The following CAMKMT variants were observed in gnomAD, a reference collection of about 807,000 sequenced individuals.
CAMKMT encodes CaM KMT.
In CAMKMT, 53 loss-of-function variants were observed where a neutral mutation model predicts 48.0. The ratio of observed to expected loss-of-function variants is 1.10; its 90% CI spans 0.89 to 1.39. CAMKMT has a LOEUF of 1.39. CAMKMT is among the 40% of genes most tolerant of loss of function. CAMKMT has a pLI of 0.00. For synonymous variants in CAMKMT, 165 were observed against 152.3 expected (o/e 1.08, Z -0.61); for missense variants, 428 against 402.7 (o/e 1.06, Z -0.54).
In CAMKMT at chr2:44,480,125, A is replaced by C. The variant is rs192515151; in HGVS notation, c.376+89820A>C. Among the ~76,000 whole-genome samples, 486 of 152,296 alleles carry C rather than the reference A, an allele frequency of 3.2e-3. 2 individuals carry two copies. The highest frequency in any genetic ancestry group is 0.011 in the African/African-American group (468 of 41,554). ...TCAACTTTTAGGAGGCTTTGAACCA[A>C]ATTGTAGCACCTATCAAAGAGTGAT... On this transcript the variant is annotated intron_variant, in intron 3 of 10. Coordinates refer to ENST00000378494, the MANE Select transcript of CAMKMT (RefSeq NM_024766.5).
chr2:44,740,531 C>T (rs1403475981), intron 7 of CAMKMT, among the ~76,000 whole-genome samples: 2 of 152,048 alleles, frequency 1.3e-5, no homozygotes, highest in Non-Finnish European at 2.9e-5. Flanking sequence ...GTACAAAGTG[C>T]AAAATAATGA....
intron 3 of CAMKMT, among the ~76,000 whole-genome samples, chr2:44,418,763 T>C (rs1572827192): frequency 6.6e-6 from 1 of 152,226 alleles, no homozygotes; most frequent in Non-Finnish European, 1.5e-5. Context: ...GCTAAACTTA[T>C]CAATGTCTGC....
At chr2:44,372,221 A>G (rs1009957183) in intron 1 of CAMKMT, among the ~76,000 whole-genome samples, 7 of 152,182 alleles carry the variant, frequency 4.6e-5, no homozygotes, top group African/African-American at 1.7e-4. Flanking sequence ...GCTGTGGCTC[A>G]CTTCTGTAAT....
chr2:44,507,652 T>C (rs1670330021), intron 3 of CAMKMT, among the ~76,000 whole-genome samples: 1 of 152,212 alleles, frequency 6.6e-6, no homozygotes, highest in Non-Finnish European at 1.5e-5. Flanking sequence ...ATAAGCACTC[T>C]ACATGTTTCA....
intron 3 of CAMKMT, among the ~76,000 whole-genome samples, chr2:44,623,815 A>T (rs1672330178): frequency 6.6e-6 from 1 of 152,096 alleles, no homozygotes. Flanking sequence ...CTACTCCACC[A>T]CCAGGAAGCT....
chr2:44,631,262 G>A (rs1174996939), intron 3 of CAMKMT, among the ~76,000 whole-genome samples: 1 of 152,126 alleles, frequency 6.6e-6, no homozygotes. Flanking sequence ...TGGGGGTAAG[G>A]GGGAGGGATA....
At chr2:44,723,426 A>G (rs1360382878) in intron 7 of CAMKMT, among the ~76,000 whole-genome samples, 2 of 151,980 alleles carry the variant, frequency 1.3e-5, no homozygotes, top group African/African-American at 4.8e-5. Flanking sequence ...CCCCACCTCT[A>G]CTAAAAACAG....
At chr2:44,682,446 G>A (rs1676077175) in intron 3 of CAMKMT, among the ~76,000 whole-genome samples, 1 of 152,178 alleles carries the variant, frequency 6.6e-6, no homozygotes, top group Non-Finnish European at 1.5e-5. Flanking sequence ...AGAGGTGTAA[G>A]CAATTTGAGC....
At chr2:44,660,475 T>C (rs963600915) in intron 3 of CAMKMT, among the ~76,000 whole-genome samples, 3 of 152,228 alleles carry the variant, frequency 2.0e-5, no homozygotes, top group African/African-American at 7.2e-5. Context: ...CACATTTTAA[T>C]TTTTAGTGGT....
At chr2:44,549,484 T>G in intron 3 of CAMKMT, 1 of 689,050 alleles carries the variant, frequency 1.5e-6, no homozygotes, top group South Asian at 1.6e-5. Context: ...CACAATGTCT[T>G]GAACTGAAAA....
intron 3 of CAMKMT, among the ~76,000 whole-genome samples, chr2:44,404,287 A>T (rs1261434918): frequency 6.6e-6 from 1 of 152,140 alleles, no homozygotes; most frequent in Non-Finnish European, 1.5e-5. Context: ...ATTTCATTAC[A>T]TGGCTTGTTT....
intron 3 of CAMKMT, chr2:44,400,660 TG>T (rs1218679488): frequency 3.3e-5 from 5 of 152,060 alleles, no homozygotes; most frequent in Admixed American, 1.3e-4. Context: ...CATTAATCTT[TG>T]GGAAATATTT....
intron 3 of CAMKMT, among the ~76,000 whole-genome samples, chr2:44,485,869 T>G (rs1191334547): frequency 6.6e-6 from 1 of 152,220 alleles, no homozygotes; most frequent in Non-Finnish European, 1.5e-5. Flanking sequence ...AATGCTTACC[T>G]CTGGGGAAGA....
In CAMKMT at chr2:44,524,324, A is replaced by G. The variant is rs879942402; in HGVS notation, c.376+134019A>G. 4.6e-5 allele frequency among the ~76,000 whole-genome samples: 7 copies of G among 152,210 alleles called. 1 individual carries two copies. The highest frequency in any genetic ancestry group is 2.1e-4 in the South Asian group (1 of 4,814). On this transcript the variant is annotated intron_variant, in intron 3 of 10. Coordinates refer to ENST00000378494, the MANE Select transcript of CAMKMT (RefSeq NM_024766.5). ...TCGTAGCCAGTAACATTACTCCCCA[A>G]TCCCCCCATCCCATAACCAGGAGTT...
chr2:44,742,126 T>TTA (rs1259679148), intron 7 of CAMKMT, among the ~76,000 whole-genome samples: 1 of 152,188 alleles, frequency 6.6e-6, no homozygotes, highest in Non-Finnish European at 1.5e-5. Context: ...GAAGGCCCCA[T>TTA]CTCTCACTGA....
intron 3 of CAMKMT, among the ~76,000 whole-genome samples, chr2:44,647,335 G>A (rs1673790086): frequency 1.3e-5 from 2 of 152,092 alleles, no homozygotes; most frequent in African/African-American, 4.8e-5. Context: ...TGTCACGTTG[G>A]TTTATCACTG....
intron 3 of CAMKMT, among the ~76,000 whole-genome samples, chr2:44,691,567 T>A (rs1450332417): frequency 1.3e-5 from 2 of 152,256 alleles, no homozygotes; most frequent in African/African-American, 4.8e-5. Flanking sequence ...TAATTTTTTA[T>A]GCCCCTTCAT....
At chr2:44,587,766 T>G (rs1247712484) in intron 3 of CAMKMT, among the ~76,000 whole-genome samples, 4 of 136,980 alleles carry the variant, frequency 2.9e-5, no homozygotes, top group South Asian at 2.5e-4. Context: ...AGACGGAGTC[T>G]CGTTCACTCA....
chr2:44,712,987 A>C (rs1464809270), intron 6 of CAMKMT, among the ~76,000 whole-genome samples: 1 of 152,112 alleles, frequency 6.6e-6, no homozygotes, highest in Non-Finnish European at 1.5e-5. Flanking sequence ...TCATTTTAAT[A>C]TTTAAAAAAA....
Sources: allele counts gnomAD v4.1 joint callset (sites outside exome capture counted in the v4.1 genomes callset), GRCh38; gene constraint gnomAD v4.1.1; transcripts MANE v1.5; gene names NCBI Gene and HGNC (gene_info 2026-07-23, HGNC 2026-07-21).